Variants in XRN1 observed in about 807,000 individuals in gnomAD.
XRN1 encodes the protein 5'-3' exoribonuclease 1.
Under a neutral mutation model 222.3 loss-of-function variants are expected in XRN1, and 67 were observed. The observed-to-expected ratio is 0.30, with a 90% CI of 0.25 to 0.37. XRN1 has a LOEUF of 0.37. Ranked by LOEUF, XRN1 falls within the 10% of genes least tolerant of loss-of-function variation. The pLI, the probability that XRN1 is intolerant of heterozygous loss-of-function variation, is 1.00. For synonymous variants in XRN1, 643 were observed against 652.4 expected, an observed-to-expected ratio of 0.99 and a Z score of 0.22; for missense variants, 1,707 against 2,000.2, an observed-to-expected ratio of 0.85 and a Z score of 2.80.
chr3:142,423,794 G>C, intron 5 of XRN1, 152 bp from the exon 6 acceptor site: 1 of 593,530 alleles, frequency 1.7e-6, no homozygotes, highest in Non-Finnish European at 2.8e-6. Context: ...CTATTTGTAG[G>C]TAATGAATGA....
At chr3:142,431,864 A>ATATT (rs1559879257) in intron 2 of XRN1, among the ~76,000 whole-genome samples, 3 of 27,368 alleles carry the variant, frequency 1.1e-4, no homozygotes, top group African/African-American at 7.6e-4. Flanking sequence ...TATTATATAT[A>ATATT]ATATATTATA....
intron 39 of XRN1, among the ~76,000 whole-genome samples, chr3:142,314,278 A>C (rs2065148670): frequency 6.6e-6 from 1 of 152,190 alleles, no homozygotes; most frequent in Admixed American, 6.5e-5. Flanking sequence ...ATAGGACCAA[A>C]AGCATTCCAA....
intron 15 of XRN1, among the ~76,000 whole-genome samples, chr3:142,409,110 T>C (rs2068463367): frequency 6.6e-6 from 1 of 152,202 alleles, no homozygotes; most frequent in African/African-American, 2.4e-5. Context: ...CATGTGTATG[T>C]TCTGCATATA....
In XRN1 at chr3:142,306,885, TAATAA is replaced by T. The variant is rs1399279022; in HGVS notation, c.*4621_*4625del. ...ATAAAAGTCTTCCCTTTTGAATTTT[TAATAA>T]AATACTTCTCTGTATAAGATCTAAT... On this transcript the variant is annotated 3_prime_UTR_variant, in exon 41 of 41. Coordinates refer to ENST00000392981, the MANE Select transcript of XRN1 (RefSeq NM_001282857.2). 1 of 152,664 alleles carries T rather than the reference TAATAA, an allele frequency of 6.6e-6. No individual in the cohort carries two copies. The highest frequency in any genetic ancestry group is 6.5e-5 in the Admixed American group (1 of 15,274). 9.5% of individuals were successfully genotyped at this position (152,664 alleles called of 1,614,324 possible).
chr3:142,335,541 T>C (rs2065828780), intron 33 of XRN1, 32 bp from the exon 34 acceptor site: 1 of 1,581,348 alleles, frequency 6.3e-7, no homozygotes, highest in Non-Finnish European at 8.7e-7. Flanking sequence ...TTTTCATAAA[T>C]GGAAGTGTTT....
At chr3:142,350,730 T>C (rs554674917) in intron 32 of XRN1, among the ~76,000 whole-genome samples, 179 of 152,188 alleles carry the variant, frequency 1.2e-3, no homozygotes, top group Non-Finnish European at 2.0e-3. Flanking sequence ...GATTTACATA[T>C]GATAATGAAT....
intron 23 of XRN1, among the ~76,000 whole-genome samples, chr3:142,377,241 CAG>C (rs971962213): frequency 3.5e-5 from 5 of 144,408 alleles, no homozygotes; most frequent in Non-Finnish European, 6.1e-5. Context: ...AAAGAAGTAA[CAG>C]ATCATATAAT....
chr3:142,337,731 A>G (rs1373157884), intron 33 of XRN1, among the ~76,000 whole-genome samples: 1 of 152,216 alleles, frequency 6.6e-6, no homozygotes, highest in Non-Finnish European at 1.5e-5. Context: ...TTTGGAGTAT[A>G]TAATAGGCAA....
Position 142,393,403 on chromosome 3 carries a change from G to A in XRN1, c.2339+3926C>T, listed in dbSNP as rs560704267. 8.7e-4 allele frequency among the ~76,000 whole-genome samples: 125 copies of A among 143,750 alleles called. 1 individual carries two copies. The South Asian group carries it at 0.015, about 17-fold the overall frequency. The allele number at this position is 143,750 out of a possible 152,430, so 94.3% of individuals were successfully genotyped here. Reference sequence around the variant, plus strand: ...TTTTAGACATGAAGTCCTTGCCCATGCCTATGTCCTGAATGGTAATGCCTA... The same window carrying A: ...TTTTAGACATGAAGTCCTTGCCCATACCTATGTCCTGAATGGTAATGCCTA... On this transcript the variant is annotated intron_variant, in intron 20 of 40. Coordinates refer to ENST00000392981, the MANE Select transcript of XRN1 (RefSeq NM_001282857.2).
At chr3:142,357,503 T>C (rs1044660875) in intron 30 of XRN1, among the ~76,000 whole-genome samples, 1 of 152,122 alleles carries the variant, frequency 6.6e-6, no homozygotes, top group Admixed American at 6.5e-5. Flanking sequence ...CCTAACTCAC[T>C]GCAGTTTCGA....
At chr3:142,321,647 T>C (rs962538522) in intron 37 of XRN1, among the ~76,000 whole-genome samples, 2 of 152,180 alleles carry the variant, frequency 1.3e-5, no homozygotes, top group Non-Finnish European at 2.9e-5. Context: ...TTCAGCAACA[T>C]TTTGTAGTTT....
chr3:142,414,186 A>C lies in XRN1; in HGVS notation c.1542T>G (p.Leu514=). The part of the protein sequence containing the change: ...LGKPFKPFEQ[L]LAVLPAASKN... ...TGCTGGCTGCTGGAAGTACAGCAAG[A>C]AGCTGTTCAAATGGCTTAAAAGGTT... is the stretch of plus-strand genomic sequence containing the variant. Residue 514 remains leucine, a synonymous_variant, in exon 14 of 41, where the codon CTT becomes CTG. Transcript: ENST00000392981. 1.2e-6 allele frequency: 2 copies of C among 1,613,882 alleles called. No homozygotes were observed. Among genetic ancestry groups the C allele is most frequent in the Non-Finnish European group, 1.7e-6 (2 of 1,179,866 alleles).
chr3:142,330,609 T>C (rs2065668596), intron 36 of XRN1, among the ~76,000 whole-genome samples: 1 of 151,330 alleles, frequency 6.6e-6, no homozygotes, highest in African/African-American at 2.4e-5. Flanking sequence ...TTTTTTTTTT[T>C]TCCTATACTG....
At chr3:142,418,433 A>G in intron 12 of XRN1, 71 bp downstream of exon 12, 1 of 1,272,128 alleles carries the variant, frequency 7.9e-7, no homozygotes, top group East Asian at 2.4e-5. Context: ...CTTCATCAAA[A>G]TCATATTTTC....
At chr3:142,371,185 A>G (rs2066980971) in intron 26 of XRN1, 54 bp downstream of exon 26, 1 of 1,427,434 alleles carries the variant, frequency 7.0e-7, no homozygotes, top group Non-Finnish European at 9.7e-7. Flanking sequence ...TGCAGTTGTC[A>G]TTGAAAACAC....
intron 13 of XRN1, among the ~76,000 whole-genome samples, chr3:142,415,489 G>T (rs1182129634): frequency 1.3e-5 from 2 of 152,170 alleles, no homozygotes; most frequent in Non-Finnish European, 2.9e-5. Context: ...TTCTTCATCT[G>T]TAAAAGGGAG....
chr3:142,377,697 G>T (rs2107916153), intron 23 of XRN1, among the ~76,000 whole-genome samples: 1 of 152,258 alleles, frequency 6.6e-6, no homozygotes, highest in Middle Eastern at 3.4e-3. Context: ...TATAAAATAA[G>T]TAGCTGAGAA....
At chr3:142,360,902 C>A (rs1447467551) in intron 29 of XRN1, among the ~76,000 whole-genome samples, 35 of 144,506 alleles carry the variant, frequency 2.4e-4, no homozygotes, top group Non-Finnish European at 5.0e-4. Flanking sequence ...CAAACAACAA[C>A]AAAACAGCCT....
rs769456855 is a variant in XRN1 at position 142,365,152 on chromosome 3, G to A, written c.3289C>T (p.Pro1097Ser). 1 of 1,612,878 alleles carries A rather than the reference G, an allele frequency of 6.2e-7. No homozygotes were observed. ...RPLEQQHGVI[P>S]DRDAEFCLFD... ...AGACAAAATTCTGCATCCCGATCAGGAATGACTCCATGTTGCTGTTCTAAA... is the reference window on the plus strand; with the variant it reads ...AGACAAAATTCTGCATCCCGATCAGAAATGACTCCATGTTGCTGTTCTAAA... The change falls in exon 29 of 41, where the codon CCT (proline) becomes TCT (serine). Residue 1097 changes from proline (P) to serine (S), a missense_variant. Pro to Ser is a moderately conservative substitution (Grantham distance 74). Coordinates refer to ENST00000392981, the MANE Select transcript of XRN1 (RefSeq NM_001282857.2).
Sources: gnomAD v4.1 joint callset for allele counts (sites outside exome capture counted in the v4.1 genomes callset) on GRCh38, gnomAD v4.1.1 for gene constraint, MANE v1.5 for transcripts, NCBI Gene and HGNC (gene_info 2026-07-23, HGNC 2026-07-21) for gene names.